Variants in DRG1 observed in about 807,000 individuals in gnomAD.
The protein encoded by DRG1 is developmentally regulated GTP binding protein 1, also known as developmentally-regulated GTP-binding protein 1.
In DRG1, 19 loss-of-function variants were observed where a neutral mutation model predicts 38.8. The ratio of observed to expected loss-of-function variants is 0.49; its 90% confidence interval spans 0.34 to 0.72. DRG1 has a LOEUF of 0.72. Among genes scored for constraint, DRG1 ranks in the 30% least tolerant of loss-of-function variants. The pLI, the probability that DRG1 is intolerant of heterozygous loss-of-function variation, is 0.01. For synonymous variants in DRG1, 167 were observed against 157.5 expected, an observed-to-expected ratio of 1.06 and a Z score of -0.45; for missense variants, 299 against 444.8, an observed-to-expected ratio of 0.67 and a Z score of 2.95.
At position 31,434,070 on chromosome 22, in the gene DRG1, C is replaced by A. The variant is rs2050158544; in HGVS notation, c.*99C>A. ...TTTCTGGTTTTGGCAGTCACTGGAT[C>A]AGGATCCAGGGGAGGGAGATGGAGG... On this transcript the variant is annotated 3_prime_UTR_variant, in exon 9 of 9. Coordinates refer to ENST00000331457, the MANE Select transcript of DRG1 (RefSeq NM_004147.4). The A allele has an allele frequency of 1.7e-6, 2 of 1,159,034 alleles. No individual in the cohort carries two copies. The highest frequency in any genetic ancestry group is 3.0e-5 in the African/African-American group (2 of 65,576). 71.8% of individuals were successfully genotyped at this position (1,159,034 alleles called of 1,614,324 possible).
At chr22:31,418,829 G>A (rs191219614) in intron 4 of DRG1, among the ~76,000 whole-genome samples, 55 of 152,274 alleles carry the variant, frequency 3.6e-4, no homozygotes, top group Non-Finnish European at 4.3e-4. Flanking sequence ...CTACAGGCAT[G>A]TGCCACCACA....
chr22:31,429,563 ATACTAT>A (rs2050128588), intron 8 of DRG1, among the ~76,000 whole-genome samples: 1 of 152,086 alleles, frequency 6.6e-6, no homozygotes, highest in South Asian at 2.1e-4. Flanking sequence ...ATGTAATCTA[ATACTAT>A]TATTATTTTG....
intron 7 of DRG1, 126 bp downstream of exon 7, chr22:31,426,908 A>T (rs1004774104): frequency 4.7e-6 from 7 of 1,489,732 alleles, no homozygotes; most frequent in Non-Finnish European, 6.4e-6. Flanking sequence ...GGTTCCTATT[A>T]TCTACTAGGT....
At chr22:31,407,167 GGTTATGGTTGT>G (rs2049993494) in intron 3 of DRG1, among the ~76,000 whole-genome samples, 1 of 152,086 alleles carries the variant, frequency 6.6e-6, no homozygotes, top group Non-Finnish European at 1.5e-5. Flanking sequence ...TCCATCAATT[GGTTATGGTTGT>G]GTCTGTAGGG....
At chr22:31,415,070 G>T (rs995592268) in intron 4 of DRG1, among the ~76,000 whole-genome samples, 2 of 152,106 alleles carry the variant, frequency 1.3e-5, no homozygotes, top group African/African-American at 2.4e-5. Context: ...TACGACCATG[G>T]CAGGCTGATT....
chr22:31,407,310 T>A (rs1227366403), intron 3 of DRG1, among the ~76,000 whole-genome samples: 1 of 152,092 alleles, frequency 6.6e-6, no homozygotes, highest in Admixed American at 6.6e-5. Context: ...CATCTGTGGG[T>A]CTTGTCTGTA....
intron 8 of DRG1, among the ~76,000 whole-genome samples, chr22:31,431,520 C>G (rs1226611029): frequency 6.6e-6 from 1 of 151,972 alleles, no homozygotes; most frequent in Non-Finnish European, 1.5e-5. Flanking sequence ...AAAAAATTAG[C>G]CAGACATGGT....
chr22:31,399,636 C>T lies in DRG1; in HGVS notation c.-48C>T, dbSNP rs2049949020. ...CCTGGTGGCGGTGGCAGTTTGCCCG[C>T]GGGTGTGTGAAGGGAGACAGTGTGG... On this transcript the variant is annotated 5_prime_UTR_variant, in exon 1 of 9. Coordinates refer to ENST00000331457, the MANE Select transcript of DRG1 (RefSeq NM_004147.4). The T allele has an allele frequency of 4.3e-6, 7 of 1,613,580 alleles. No homozygotes were observed. Among genetic ancestry groups the T allele is most frequent in the African/African-American group, 1.3e-5 (1 of 74,916 alleles).
chr22:31,418,618 G>A (rs1347800588), intron 4 of DRG1, among the ~76,000 whole-genome samples: 1 of 150,578 alleles, frequency 6.6e-6, no homozygotes, highest in African/African-American at 2.4e-5. Flanking sequence ...AGTGATTCTC[G>A]TGCCTCAGCC....
intron 8 of DRG1, among the ~76,000 whole-genome samples, chr22:31,429,928 G>A (rs1280293421): frequency 6.6e-6 from 1 of 152,126 alleles, no homozygotes; most frequent in Non-Finnish European, 1.5e-5. Flanking sequence ...GGGATTACAG[G>A]CATGAGCCAT....
At chr22:31,402,301 A>G (rs2145857237) in intron 2 of DRG1, among the ~76,000 whole-genome samples, 1 of 152,144 alleles carries the variant, frequency 6.6e-6, no homozygotes, top group Non-Finnish European at 1.5e-5. Flanking sequence ...AAGAAAAAAG[A>G]AAAAAAGAAA....
rs759950813 is a variant in DRG1 at position 31,423,348 on chromosome 22, C to T, written c.651C>T (p.Ala217=). 5.4e-5 allele frequency: 87 copies of T among 1,613,786 alleles called. 1 individual carries two copies. The highest frequency in any genetic ancestry group is 4.1e-5 in the Non-Finnish European group (48 of 1,180,000). The change falls in exon 6 of 9, where the codon GCC becomes GCT. Residue 217 remains alanine, a synonymous_variant. Transcript: ENST00000331457. ...TGGCTGAATACAAGATTCATAATGC[C>T]GATGTGACTCTACGTAGTGATGCTA... The part of the protein sequence containing the change: ...SILAEYKIHN[A]DVTLRSDATA...
chr22:31,433,767 C>T, intron 8 of DRG1, 105 bp from the exon 9 acceptor site: 2 of 945,292 alleles, frequency 2.1e-6, no homozygotes, highest in Non-Finnish European at 3.3e-6. Context: ...GTCTATGGTT[C>T]TTAAGGGTAT....
intron 4 of DRG1, among the ~76,000 whole-genome samples, chr22:31,417,987 CAA>C (rs955142490): frequency 1.9e-4 from 19 of 98,532 alleles, no homozygotes; most frequent in Admixed American, 3.3e-4. Context: ...AACTCCATCT[CAA>C]AAAAAAAAAA....
intron 5 of DRG1, among the ~76,000 whole-genome samples, chr22:31,422,388 G>A (rs543000736): frequency 6.6e-6 from 1 of 152,160 alleles, no homozygotes; most frequent in African/African-American, 2.4e-5. Context: ...CTGAGATCGC[G>A]CCACTGCACT....
In DRG1 at chr22:31,399,612, C is replaced by G; in HGVS notation, c.-72C>G. 2 of 1,605,506 alleles carry G rather than the reference C, an allele frequency of 1.2e-6. No homozygotes were observed. Among genetic ancestry groups the G allele is most frequent in the Non-Finnish European group, 1.7e-6 (2 of 1,172,132 alleles). On this transcript the variant is annotated 5_prime_UTR_variant, in exon 1 of 9. Coordinates refer to ENST00000331457, the MANE Select transcript of DRG1 (RefSeq NM_004147.4). ...CCGCGCCTGCGTGCTGCAGTAGCGCCTGGTGGCGGTGGCAGTTTGCCCGCG... is the reference window on the plus strand; with the variant it reads ...CCGCGCCTGCGTGCTGCAGTAGCGCGTGGTGGCGGTGGCAGTTTGCCCGCG...
At chr22:31,426,570 T>C in intron 6 of DRG1, 45 bp from the exon 7 acceptor site, 1 of 1,548,156 alleles carries the variant, frequency 6.5e-7, no homozygotes, top group Non-Finnish European at 8.8e-7. Flanking sequence ...GACAGTTCTG[T>C]CAACAACTCC....
intron 3 of DRG1, among the ~76,000 whole-genome samples, chr22:31,403,984 T>C (rs913234083): frequency 1.4e-4 from 20 of 147,660 alleles, no homozygotes; most frequent in African/African-American, 5.0e-4. Flanking sequence ...TAACTTTTTT[T>C]TTTTTTTTTT....
At chr22:31,411,920 G>A (rs2050020270) in intron 4 of DRG1, among the ~76,000 whole-genome samples, 1 of 152,004 alleles carries the variant, frequency 6.6e-6, no homozygotes. Flanking sequence ...ATCTACTATT[G>A]CTGTTGAGTC....
Sources: allele counts gnomAD v4.1 joint callset (sites outside exome capture counted in the v4.1 genomes callset), GRCh38; gene constraint gnomAD v4.1.1; transcripts MANE v1.5; gene names NCBI Gene and HGNC (gene_info 2026-07-23, HGNC 2026-07-21).